The following THSD4 variants were observed in gnomAD, a reference collection of about 807,000 sequenced individuals.
THSD4 encodes the protein thrombospondin type 1 domain containing 4, also known as thrombospondin type-1 domain-containing protein 4.
A neutral mutation model predicts 119.0 loss-of-function variants in THSD4; 69 were observed. The ratio of observed to expected loss-of-function variants is 0.58; its 90% CI spans 0.48 to 0.71. The LOEUF is 0.71. Among genes scored for constraint, THSD4 ranks in the 30% least tolerant of loss-of-function variants. THSD4 has a pLI of 0.00. For synonymous variants in THSD4, 524 were observed against 540.4 expected (o/e 0.97, Z 0.42); for missense variants, 1,393 against 1,391.1 (o/e 1.00, Z -0.02).
intron 6 of THSD4, among the ~76,000 whole-genome samples, chr15:71,271,148 G>T (rs2044524894): frequency 7.7e-6 from 1 of 129,598 alleles, no homozygotes; most frequent in Non-Finnish European, 1.8e-5. Context: ...TAATCGTTTT[G>T]CCATAAAAAA....
intron 7 of THSD4, among the ~76,000 whole-genome samples, chr15:71,498,289 C>G (rs2048057779): frequency 6.6e-6 from 1 of 152,098 alleles, no homozygotes; most frequent in Non-Finnish European, 1.5e-5. Flanking sequence ...TTATTTCTCG[C>G]CTAATTAAAT....
chr15:71,449,909 G>A (rs1327006135), intron 7 of THSD4, among the ~76,000 whole-genome samples: 1 of 152,190 alleles, frequency 6.6e-6, no homozygotes, highest in African/African-American at 2.4e-5. Context: ...GATAGAATTT[G>A]TAGACAGGAA....
intron 8 of THSD4, among the ~76,000 whole-genome samples, chr15:71,665,028 C>T (rs774392494): frequency 2.0e-4 from 31 of 152,210 alleles, no homozygotes; most frequent in Admixed American, 6.5e-4. Flanking sequence ...ATTGCTGGGT[C>T]GAATGGTAGT....
rs1428491874 is a variant in THSD4, at chr15:71,633,494, C to T, written c.1153-27036C>T. 2.6e-5 allele frequency among the ~76,000 whole-genome samples: 4 copies of T among 152,016 alleles called. No individual in the cohort carries two copies. In the East Asian group the frequency reaches 7.8e-4, roughly 29 times the overall value. On this transcript the variant is annotated intron_variant, in intron 7 of 17. Transcript: ENST00000261862. ...TTTGCCATGTTGCTTGGGCTGGTCTCGAACTTCTGGGCTCAAACGATCCAC... is the reference window on the plus strand; with the variant it reads ...TTTGCCATGTTGCTTGGGCTGGTCTTGAACTTCTGGGCTCAAACGATCCAC...
intron 7 of THSD4, among the ~76,000 whole-genome samples, chr15:71,476,242 T>C (rs76172208): frequency 0.012 from 1,879 of 152,186 alleles, 25 homozygotes; most frequent in South Asian, 0.05. Context: ...TGTATATTCC[T>C]TTTTTTTGAG....
At chr15:71,405,462 G>T (rs1295058691) in intron 6 of THSD4, among the ~76,000 whole-genome samples, 3 of 152,108 alleles carry the variant, frequency 2.0e-5, no homozygotes, top group Non-Finnish European at 1.5e-5. Flanking sequence ...TTTCCCTAAT[G>T]AATTGTCTTG....
chr15:71,694,488 C>T (rs1394069590), intron 8 of THSD4, among the ~76,000 whole-genome samples: 1 of 152,084 alleles, frequency 6.6e-6, no homozygotes, highest in East Asian at 1.9e-4. Flanking sequence ...CAGCAAGTTG[C>T]CTGGCAATTT....
chr15:71,580,919 T>C (rs962525290), intron 7 of THSD4, among the ~76,000 whole-genome samples: 15 of 151,688 alleles, frequency 9.9e-5, no homozygotes, highest in African/African-American at 2.7e-4. Flanking sequence ...GTTATATATA[T>C]ACACACACAC....
intron 7 of THSD4, among the ~76,000 whole-genome samples, chr15:71,536,310 T>A (rs2048688368): frequency 6.6e-6 from 1 of 152,214 alleles, no homozygotes; most frequent in Non-Finnish European, 1.5e-5. Flanking sequence ...GTCCCCTTCA[T>A]CTTCAAAGCC....
chr15:71,379,212 A>C (rs376140882), intron 6 of THSD4, among the ~76,000 whole-genome samples: 1 of 150,672 alleles, frequency 6.6e-6, no homozygotes, highest in Non-Finnish European at 1.5e-5. Flanking sequence ...TCTCATTGTT[A>C]AAGTACATCT....
chr15:71,277,128 C>CTTTTTTTTTTT lies in THSD4; in HGVS notation c.1015+20417_1015+20427dup, dbSNP rs779207517. Among the ~76,000 whole-genome samples the CTTTTTTTTTTT allele has an allele frequency of 7.9e-3, 972 of 122,864 alleles. 77 individuals carry two copies. Among genetic ancestry groups the CTTTTTTTTTTT allele is most frequent in the African/African-American group, 0.031 (911 of 29,636 alleles). The allele number at this position is 122,864 out of a possible 152,430, so 80.6% of individuals were successfully genotyped here. On this transcript the variant is annotated intron_variant, in intron 6 of 17. Coordinates refer to ENST00000261862, the MANE Select transcript of THSD4 (RefSeq NM_024817.3). ...TATTTGTATTTGAATTCTTCTTCTT[C>CTTTTTTTTTTT]TTTTTTTTTTTTTTGAAACGGAGTT...
In THSD4 at chr15:71,530,044, T is replaced by C. The variant is rs1407379423; in HGVS notation, c.1152+118221T>C. On this transcript the variant is annotated intron_variant, in intron 7 of 17. Coordinates refer to ENST00000261862, the MANE Select transcript of THSD4 (RefSeq NM_024817.3). ...GTGCTTCTGTTATGGTAACTACTTC[T>C]ACAATTTTTATTGATTTCTTCTTGC... Among the ~76,000 whole-genome samples, 14 of 152,348 alleles carry C rather than the reference T, an allele frequency of 9.2e-5. No individual in the cohort carries two copies. The East Asian group carries it at 2.7e-3, about 29-fold the overall frequency.
At chr15:71,207,024 T>C (rs1324673528) in intron 3 of THSD4, among the ~76,000 whole-genome samples, 1 of 152,208 alleles carries the variant, frequency 6.6e-6, no homozygotes, top group Non-Finnish European at 1.5e-5. Flanking sequence ...AAGTTTATAT[T>C]TGACATTTTT....
intron 7 of THSD4, among the ~76,000 whole-genome samples, chr15:71,428,763 C>T (rs1028586756): frequency 6.6e-6 from 1 of 152,156 alleles, no homozygotes; most frequent in Admixed American, 6.5e-5. Flanking sequence ...TTCCCCAGGG[C>T]CCCAACAGGA....
At chr15:71,484,804 TG>T (rs2047789804) in intron 7 of THSD4, among the ~76,000 whole-genome samples, 2 of 152,166 alleles carry the variant, frequency 1.3e-5, no homozygotes, top group South Asian at 2.1e-4. Context: ...GAGTACGACC[TG>T]GGGCCAAAGT....
chr15:71,523,017 G>A (rs912316002), intron 7 of THSD4, among the ~76,000 whole-genome samples: 1 of 152,150 alleles, frequency 6.6e-6, no homozygotes, highest in African/African-American at 2.4e-5. Flanking sequence ...TGGTTATCTG[G>A]CATGTTATGG....
intron 10 of THSD4, among the ~76,000 whole-genome samples, chr15:71,735,441 T>C (rs922480279): frequency 2.6e-5 from 4 of 151,492 alleles, no homozygotes; most frequent in Admixed American, 2.6e-4. Flanking sequence ...AACCTCTCTC[T>C]CTCTTTCTCA....
rs371956679 is a variant in THSD4 at position 71,249,411 on chromosome 15, C to CATATATAT, written c.912+6325_912+6332dup. Among the ~76,000 whole-genome samples the CATATATAT allele has an allele frequency of 5.8e-4, 68 of 118,102 alleles. 1 individual carries two copies. The highest frequency in any genetic ancestry group is 8.6e-4 in the South Asian group (3 of 3,476). The allele number at this position is 118,102 out of a possible 152,430, so 77.5% of individuals were successfully genotyped here. On this transcript the variant is annotated intron_variant, in intron 5 of 17. Transcript: ENST00000261862. ...TAGAAAGTTGTTCTCTTATTGACTT[C>CATATATAT]ATATATATATATATATACACACACA...
At chr15:71,674,777 G>A (rs567249081) in intron 8 of THSD4, among the ~76,000 whole-genome samples, 23 of 152,238 alleles carry the variant, frequency 1.5e-4, no homozygotes, top group East Asian at 9.7e-4. Flanking sequence ...GGGGGGAGGC[G>A]GGTGCTGCTG....
Sources: gnomAD v4.1 joint callset for allele counts (sites outside exome capture counted in the v4.1 genomes callset) on GRCh38, gnomAD v4.1.1 for gene constraint, MANE v1.5 for transcripts, NCBI Gene and HGNC (gene_info 2026-07-23, HGNC 2026-07-21) for gene names.